The following SPRED2 variants were observed in gnomAD, a reference collection of about 807,000 sequenced individuals.
SPRED2 encodes the protein sprouty-related, EVH1 domain-containing protein 2.
A neutral mutation model predicts 43.0 loss-of-function variants in SPRED2; 47 were observed. That is an observed-to-expected ratio of 1.09 (90% CI 0.87 to 1.40). The LOEUF (loss-of-function observed/expected upper bound fraction) is 1.40. SPRED2 is among the 40% of genes most tolerant of loss of function. The pLI, the probability that SPRED2 is intolerant of heterozygous loss-of-function variation, is 0.00. For missense variants in SPRED2, 561 were observed against 586.4 expected, an observed-to-expected ratio of 0.96 and a Z score of 0.45; for synonymous variants, 225 against 225.7, an observed-to-expected ratio of 1.00 and a Z score of 0.03.
At chr2:65,322,266 C>CTA (rs1558649699) in intron 4 of SPRED2, among the ~76,000 whole-genome samples, 65 of 44,506 alleles carry the variant, frequency 1.5e-3, no homozygotes, top group Non-Finnish European at 1.8e-3. Flanking sequence ...CTCTCTCTCT[C>CTA]TCTCTATATA....
intron 1 of SPRED2, among the ~76,000 whole-genome samples, chr2:65,423,046 G>C (rs1676470579): frequency 6.6e-6 from 1 of 152,214 alleles, no homozygotes; most frequent in Admixed American, 6.5e-5. Flanking sequence ...AAATTACTGG[G>C]ATGTTGATAA....
chr2:65,422,482 G>C (rs1355481827), intron 1 of SPRED2, among the ~76,000 whole-genome samples: 1 of 152,162 alleles, frequency 6.6e-6, no homozygotes, highest in East Asian at 1.9e-4. Context: ...TGTATGGCAG[G>C]CTAGGTGCTC....
At chr2:65,413,629 G>A (rs1432422689) in intron 1 of SPRED2, among the ~76,000 whole-genome samples, 3 of 152,190 alleles carry the variant, frequency 2.0e-5, no homozygotes, top group Non-Finnish European at 4.4e-5. Context: ...TGGGACCCAG[G>A]CATTCCACAT....
chr2:65,403,736 A>G (rs918564939), intron 1 of SPRED2, among the ~76,000 whole-genome samples: 7 of 152,206 alleles, frequency 4.6e-5, no homozygotes, highest in African/African-American at 1.7e-4. Flanking sequence ...GGAACTTGCA[A>G]CTTAGCAGGA....
intron 1 of SPRED2, among the ~76,000 whole-genome samples, chr2:65,374,696 T>G (rs1054596461): frequency 1.3e-5 from 2 of 152,230 alleles, no homozygotes; most frequent in Non-Finnish European, 2.9e-5. Flanking sequence ...GCCACAAACA[T>G]TTCAGCTCTA....
chr2:65,345,140 A>C (rs2104268379), intron 1 of SPRED2, among the ~76,000 whole-genome samples: 1 of 152,264 alleles, frequency 6.6e-6, no homozygotes, highest in Admixed American at 6.5e-5. Context: ...TGATCGAAAG[A>C]TGTATACAGG....
intron 1 of SPRED2, among the ~76,000 whole-genome samples, chr2:65,371,798 G>T (rs1006163459): frequency 6.6e-6 from 1 of 151,988 alleles, no homozygotes; most frequent in African/African-American, 2.4e-5. Context: ...AGGCTCAACC[G>T]GGCGCGGTGG....
chr2:65,427,239 T>C (rs1676577811), intron 1 of SPRED2, among the ~76,000 whole-genome samples: 1 of 150,814 alleles, frequency 6.6e-6, no homozygotes, highest in African/African-American at 2.5e-5. Context: ...ACGCGGCTAA[T>C]TTTTATTTTT....
intron 1 of SPRED2, among the ~76,000 whole-genome samples, chr2:65,390,602 A>C (rs1301244913): frequency 6.6e-6 from 1 of 152,172 alleles, no homozygotes; most frequent in Non-Finnish European, 1.5e-5. Context: ...GAATTACTCC[A>C]TGTCTCTATG....
intron 1 of SPRED2, among the ~76,000 whole-genome samples, chr2:65,363,303 A>G (rs1674879923): frequency 6.6e-6 from 1 of 151,968 alleles, no homozygotes. Context: ...ACTATGCCAC[A>G]TATAGCTCAA....
At chr2:65,401,267 C>T (rs183940378) in intron 1 of SPRED2, among the ~76,000 whole-genome samples, 12 of 152,086 alleles carry the variant, frequency 7.9e-5, no homozygotes, top group Non-Finnish European at 1.2e-4. Flanking sequence ...TGAGCCACTG[C>T]GCCCAGCCCC....
intron 4 of SPRED2, among the ~76,000 whole-genome samples, chr2:65,322,290 A>ATGTT (rs1346549604): frequency 1.3e-5 from 1 of 78,992 alleles, no homozygotes; most frequent in African/African-American, 6.1e-5. Flanking sequence ...ATATATATAT[A>ATGTT]TATATTTTTT....
intron 1 of SPRED2, among the ~76,000 whole-genome samples, chr2:65,418,000 G>A (rs1676326653): frequency 6.6e-6 from 1 of 152,122 alleles, no homozygotes. Flanking sequence ...GAATTTCACA[G>A]CCCCCTTGAC....
chr2:65,427,799 T>C (rs1007537408), intron 1 of SPRED2, among the ~76,000 whole-genome samples: 1 of 152,194 alleles, frequency 6.6e-6, no homozygotes, highest in Non-Finnish European at 1.5e-5. Flanking sequence ...TCAGAACGAC[T>C]GAGGCTGGAC....
At chr2:65,405,583 C>T (rs1433418352) in intron 1 of SPRED2, among the ~76,000 whole-genome samples, 2 of 152,168 alleles carry the variant, frequency 1.3e-5, no homozygotes, top group African/African-American at 2.4e-5. Flanking sequence ...AATACACACA[C>T]CTGAACTTAC....
chr2:65,334,450 T>C (rs1673904260), intron 3 of SPRED2, among the ~76,000 whole-genome samples, 155 bp downstream of exon 3: 1 of 152,162 alleles, frequency 6.6e-6, no homozygotes, highest in East Asian at 1.9e-4. Context: ...CTTTAATTAC[T>C]CTCCTTGGAA....
intron 1 of SPRED2, among the ~76,000 whole-genome samples, chr2:65,382,258 T>TA (rs1675389588): frequency 6.7e-6 from 1 of 149,100 alleles, no homozygotes; most frequent in Non-Finnish European, 1.5e-5. Flanking sequence ...GTTCTGCATT[T>TA]AAAAAAAGAT....
At chr2:65,399,512 A>C (rs1675833703) in intron 1 of SPRED2, among the ~76,000 whole-genome samples, 1 of 148,238 alleles carries the variant, frequency 6.7e-6, no homozygotes, top group African/African-American at 2.5e-5. Flanking sequence ...CCTCCCTAGT[A>C]GCTGGAACTA....
intron 1 of SPRED2, among the ~76,000 whole-genome samples, chr2:65,357,883 A>C (rs540843166): frequency 1.1e-4 from 16 of 152,266 alleles, no homozygotes; most frequent in African/African-American, 3.9e-4. Flanking sequence ...CCAAACTCTT[A>C]TTACTGAGCT....
Sources: gnomAD v4.1 joint callset for allele counts (sites outside exome capture counted in the v4.1 genomes callset) on GRCh38, gnomAD v4.1.1 for gene constraint, MANE v1.5 for transcripts, NCBI Gene and HGNC (gene_info 2026-07-23, HGNC 2026-07-21) for gene names.